PLPPR1: variants seen among roughly 807,000 people sequenced by gnomAD.
The protein encoded by PLPPR1 is phospholipid phosphatase related 1, also known as phospholipid phosphatase-related protein type 1.
A neutral mutation model predicts 33.1 loss-of-function variants in PLPPR1; 10 were observed. The observed-to-expected ratio is 0.30, with a 90% CI of 0.19 to 0.51. The LOEUF is 0.51. Among genes scored for constraint, PLPPR1 ranks in the 20% least tolerant of loss-of-function variants. PLPPR1 has a pLI of 0.97. For missense variants in PLPPR1, 304 were observed against 408.1 expected, an observed-to-expected ratio of 0.74 and a Z score of 2.20; for synonymous variants, 151 against 151.0, an observed-to-expected ratio of 1.00 and a Z score of 0.00.
chr9:101,164,992 T>A (rs962969343), intron 1 of PLPPR1, among the ~76,000 whole-genome samples: 8 of 152,246 alleles, frequency 5.3e-5, no homozygotes, highest in Middle Eastern at 3.4e-3. Context: ...TAGTCACCCC[T>A]TCCACAGTTC....
chr9:101,187,983 A>G (rs1588064099), intron 2 of PLPPR1: 1 of 152,046 alleles, frequency 6.6e-6, no homozygotes, highest in East Asian at 1.9e-4. Context: ...GTATATATTC[A>G]TAAATATTTT....
chr9:101,127,050 T>C (rs1831254228), intron 1 of PLPPR1, among the ~76,000 whole-genome samples: 1 of 43,854 alleles, frequency 2.3e-5, no homozygotes, highest in African/African-American at 6.3e-5. Context: ...AAATTCTAAG[T>C]ACTAACTTTC....
At chr9:101,074,882 C>G (rs1468344379) in intron 1 of PLPPR1, among the ~76,000 whole-genome samples, 1 of 152,124 alleles carries the variant, frequency 6.6e-6, no homozygotes, top group East Asian at 1.9e-4. Flanking sequence ...GTCATTAAAA[C>G]AACCCCCAGC....
intron 2 of PLPPR1, among the ~76,000 whole-genome samples, chr9:101,200,968 A>T (rs947124920): frequency 6.6e-6 from 1 of 152,234 alleles, no homozygotes; most frequent in Non-Finnish European, 1.5e-5. Context: ...TGAGTAAATC[A>T]TAAAAAACAG....
chr9:101,230,373 G>T (rs897429164), intron 2 of PLPPR1, among the ~76,000 whole-genome samples: 2 of 152,062 alleles, frequency 1.3e-5, no homozygotes, highest in African/African-American at 4.8e-5. Flanking sequence ...AAAGACACCC[G>T]TAAGGGCATA....
At chr9:101,304,601 C>T (rs895903181) in intron 4 of PLPPR1, among the ~76,000 whole-genome samples, 4 of 152,110 alleles carry the variant, frequency 2.6e-5, no homozygotes, top group African/African-American at 9.7e-5. Context: ...TTCCAACATC[C>T]GATGTGATCT....
intron 1 of PLPPR1, among the ~76,000 whole-genome samples, chr9:101,062,149 G>GGTTGTGTGTGT (rs374602198): frequency 2.0e-4 from 29 of 148,446 alleles, no homozygotes; most frequent in African/African-American, 6.5e-4. Context: ...GACAAAATGT[G>GGTTGTGTGTGT]GTGTGTGTGT....
At chr9:101,174,461 C>T (rs1324871510) in intron 1 of PLPPR1, among the ~76,000 whole-genome samples, 1 of 152,164 alleles carries the variant, frequency 6.6e-6, no homozygotes, top group Non-Finnish European at 1.5e-5. Context: ...ATTTAACTGA[C>T]ATCAAGGCTG....
chr9:101,246,067 T>TAG (rs1194450483), intron 2 of PLPPR1, among the ~76,000 whole-genome samples: 4 of 54,808 alleles, frequency 7.3e-5, no homozygotes, highest in African/African-American at 2.0e-4. Context: ...TATATATATA[T>TAG]ATATATATAT....
chr9:101,307,497 G>A (rs559519481), intron 4 of PLPPR1, among the ~76,000 whole-genome samples: 1 of 152,158 alleles, frequency 6.6e-6, no homozygotes, highest in Admixed American at 6.6e-5. Context: ...GTACCTGGGG[G>A]TGAAAACTGC....
intron 2 of PLPPR1, among the ~76,000 whole-genome samples, chr9:101,239,846 G>A (rs568974667): frequency 6.6e-4 from 100 of 152,070 alleles, no homozygotes; most frequent in Non-Finnish European, 1.2e-3. Flanking sequence ...CATTCTACAG[G>A]TTCTTCCTTC....
chr9:101,248,631 C>T (rs4743454), intron 2 of PLPPR1, among the ~76,000 whole-genome samples: 49,893 of 151,880 alleles, frequency 0.33, 8,269 homozygotes, highest in Admixed American at 0.38. Flanking sequence ...GTTTTTCATA[C>T]GAATCAGGAG....
At chr9:101,306,492 C>T (rs1183778305) in intron 4 of PLPPR1, among the ~76,000 whole-genome samples, 1 of 152,178 alleles carries the variant, frequency 6.6e-6, no homozygotes, top group Non-Finnish European at 1.5e-5. Flanking sequence ...TCTTCCAAAC[C>T]AAGCATATTC....
chr9:101,279,282 T>C (rs1486184564), intron 3 of PLPPR1, among the ~76,000 whole-genome samples: 1 of 152,200 alleles, frequency 6.6e-6, no homozygotes, highest in African/African-American at 2.4e-5. Context: ...CAAGAGAATG[T>C]AACAATTGTA....
chr9:101,078,184 AGAG>A (rs1280808230), intron 1 of PLPPR1, among the ~76,000 whole-genome samples: 447 of 9,146 alleles, frequency 0.049, 32 homozygotes, highest in South Asian at 0.088. Flanking sequence ...AAGAAGAAGA[AGAG>A]GAGGGGGGGA....
At chr9:101,043,811 TTTTC>T (rs137874125) in intron 1 of PLPPR1, among the ~76,000 whole-genome samples, 2,353 of 152,238 alleles carry the variant, frequency 0.015, 48 homozygotes, top group East Asian at 0.081. Context: ...ACATCTATTT[TTTTC>T]TTTATTATTT....
chr9:101,080,113 T>C (rs1196005927), intron 1 of PLPPR1, among the ~76,000 whole-genome samples: 2 of 152,106 alleles, frequency 1.3e-5, no homozygotes, highest in Non-Finnish European at 2.9e-5. Context: ...ACAGTTCCTC[T>C]CTTCTGTTTT....
intron 2 of PLPPR1, among the ~76,000 whole-genome samples, chr9:101,190,063 G>A (rs1826269588): frequency 6.6e-6 from 1 of 152,056 alleles, no homozygotes; most frequent in Non-Finnish European, 1.5e-5. Flanking sequence ...TTGCATAAAT[G>A]TTTGTTGCCC....
intron 1 of PLPPR1, among the ~76,000 whole-genome samples, chr9:101,079,383 C>T (rs1165323454): frequency 6.6e-6 from 1 of 152,132 alleles, no homozygotes; most frequent in Non-Finnish European, 1.5e-5. Context: ...TCAGTATCTT[C>T]CCAAGAAAGG....
Sources: gnomAD v4.1 joint callset for allele counts (sites outside exome capture counted in the v4.1 genomes callset) on GRCh38, gnomAD v4.1.1 for gene constraint, MANE v1.5 for transcripts, NCBI Gene and HGNC (gene_info 2026-07-23, HGNC 2026-07-21) for gene names.